The following PRORP variants were observed in gnomAD, a reference collection of about 807,000 sequenced individuals.
The protein encoded by PRORP is mitochondrial ribonuclease P catalytic subunit.
A neutral mutation model predicts 59.4 loss-of-function variants in PRORP; 51 were observed. The ratio of observed to expected loss-of-function variants is 0.86; its 90% CI spans 0.69 to 1.08. The LOEUF (loss-of-function observed/expected upper bound fraction) is 1.08, where lower values mean the gene tolerates loss of function less well. Among genes scored for constraint, PRORP ranks in the 50% least tolerant of loss-of-function variants. The pLI, the probability that PRORP is intolerant of heterozygous loss-of-function variation, is 0.00. For missense variants in PRORP, 646 were observed against 690.3 expected (o/e 0.94, Z 0.72); for synonymous variants, 231 against 245.6 (o/e 0.94, Z 0.55).
intron 5 of PRORP, among the ~76,000 whole-genome samples, chr14:35,252,472 G>A (rs553854540): frequency 5.9e-5 from 9 of 152,116 alleles, no homozygotes; most frequent in Non-Finnish European, 7.4e-5. Flanking sequence ...AAAGAAGGCA[G>A]TCATTATCCT....
chr14:35,184,360 C>A (rs1232660814), intron 5 of PRORP, among the ~76,000 whole-genome samples: 1 of 152,022 alleles, frequency 6.6e-6, no homozygotes, highest in Non-Finnish European at 1.5e-5. Flanking sequence ...TGTTATAATT[C>A]ATGTCAGTAG....
rs1229787151 is a variant in PRORP, at chr14:35,276,996, C to T, written c.*3430C>T. 6.6e-6 allele frequency: 1 copy of T among 151,974 alleles called. No individual in the cohort carries two copies. Among genetic ancestry groups the T allele is most frequent in the Non-Finnish European group, 1.5e-5 (1 of 67,988 alleles). 9.4% of individuals were successfully genotyped at this position (151,974 alleles called of 1,614,324 possible). A position where few individuals can be genotyped will look rare whatever the true frequency, so the allele number is the denominator to read the frequency against. On this transcript the variant is annotated 3_prime_UTR_variant, in exon 8 of 8. Coordinates refer to ENST00000534898, the MANE Select transcript of PRORP (RefSeq NM_014672.4). The stretch of plus-strand genomic sequence containing the variant: ...TGCACTTAAATATAATTACTGCTTC[C>T]TTGGTCCTCTAGCAGATTTCTCACT...
At chr14:35,163,383 C>T (rs2048109431) in intron 4 of PRORP, among the ~76,000 whole-genome samples, 1 of 152,012 alleles carries the variant, frequency 6.6e-6, no homozygotes, top group Non-Finnish European at 1.5e-5. Context: ...TTAAATTGAT[C>T]TCATGACCTA....
chr14:35,173,516 T>A (rs373415701), intron 4 of PRORP, among the ~76,000 whole-genome samples: 1 of 152,154 alleles, frequency 6.6e-6, no homozygotes, highest in East Asian at 1.9e-4. Flanking sequence ...AGGAGATTTA[T>A]GTGCAAATTT....
intron 4 of PRORP, among the ~76,000 whole-genome samples, chr14:35,178,419 G>A (rs1468065242): frequency 6.6e-6 from 1 of 152,084 alleles, no homozygotes; most frequent in Non-Finnish European, 1.5e-5. Flanking sequence ...TATGAATCTG[G>A]GTGCTCCTGT....
intron 5 of PRORP, among the ~76,000 whole-genome samples, chr14:35,206,782 T>A (rs1400892292): frequency 6.6e-6 from 1 of 152,324 alleles, no homozygotes; most frequent in East Asian, 1.9e-4. Flanking sequence ...AGATTTTATG[T>A]TCCTGAGACC....
chr14:35,243,518 A>G (rs1189079513), intron 5 of PRORP, among the ~76,000 whole-genome samples: 1 of 150,716 alleles, frequency 6.6e-6, no homozygotes, highest in Non-Finnish European at 1.5e-5. Flanking sequence ...TCTGGGTGAC[A>G]GAGTGAGACC....
At chr14:35,262,379 T>A in intron 5 of PRORP, 10 of 326,514 alleles carry the variant, frequency 3.1e-5, no homozygotes, top group Admixed American at 8.6e-5. Flanking sequence ...CTTTTATTAC[T>A]AGCCCAACTT....
chr14:35,199,027 G>A (rs1462194735), intron 5 of PRORP, among the ~76,000 whole-genome samples: 1 of 152,172 alleles, frequency 6.6e-6, no homozygotes, highest in Non-Finnish European at 1.5e-5. Flanking sequence ...AATTAGCTAG[G>A]CCTGGTGGCG....
chr14:35,276,090 T>C lies in PRORP; in HGVS notation c.*2524T>C, dbSNP rs1248305058. Reference sequence around the variant, plus strand: ...TTGGGAGGCCAAATGGGAGAATTGCTTGAAGCCAGGAGTTGGAGACCAGCC... The same window carrying C: ...TTGGGAGGCCAAATGGGAGAATTGCCTGAAGCCAGGAGTTGGAGACCAGCC... On this transcript the variant is annotated 3_prime_UTR_variant, in exon 8 of 8. Coordinates refer to ENST00000534898, the MANE Select transcript of PRORP (RefSeq NM_014672.4). 3 of 152,408 alleles carry C rather than the reference T, an allele frequency of 2.0e-5. No homozygotes were observed. The highest frequency in any genetic ancestry group is 7.2e-5 in the African/African-American group (3 of 41,466). The allele number at this position is 152,408 out of a possible 1,614,324, so 9.4% of individuals were successfully genotyped here. A position where few individuals can be genotyped will look rare whatever the true frequency, so the allele number is the denominator to read the frequency against.
intron 5 of PRORP, among the ~76,000 whole-genome samples, chr14:35,185,328 T>C (rs2048717210): frequency 6.6e-6 from 1 of 152,174 alleles, no homozygotes; most frequent in Non-Finnish European, 1.5e-5. Flanking sequence ...TCTTCTTTTG[T>C]GAAGTTTTTG....
At chr14:35,181,774 A>G (rs7142615) in intron 5 of PRORP, among the ~76,000 whole-genome samples, 26,295 of 134,572 alleles carry the variant, frequency 0.2, 2,955 homozygotes, top group Non-Finnish European at 0.27. Flanking sequence ...AACAAGAGCA[A>G]AACTGTCTCA....
intron 5 of PRORP, among the ~76,000 whole-genome samples, chr14:35,231,575 C>T (rs1414332033): frequency 6.6e-6 from 1 of 152,162 alleles, no homozygotes; most frequent in African/African-American, 2.4e-5. Flanking sequence ...GTTAGTAAGT[C>T]CATTTGCATT....
At chr14:35,143,820 G>GT (rs1464252701) in intron 4 of PRORP, among the ~76,000 whole-genome samples, 1 of 144,804 alleles carries the variant, frequency 6.9e-6, no homozygotes, top group African/African-American at 2.4e-5. Flanking sequence ...GGCTAATTTT[G>GT]TATTTTTAGT....
At chr14:35,252,179 C>T (rs1172387878) in intron 5 of PRORP, among the ~76,000 whole-genome samples, 1 of 152,126 alleles carries the variant, frequency 6.6e-6, no homozygotes. Flanking sequence ...AATCCCAACA[C>T]TTTGGGAGGC....
intron 5 of PRORP, among the ~76,000 whole-genome samples, chr14:35,258,494 A>T (rs1443308091): frequency 6.6e-6 from 1 of 152,134 alleles, no homozygotes; most frequent in African/African-American, 2.4e-5. Context: ...AGAAACCCCA[A>T]ATCAGAAGAG....
chr14:35,182,107 T>C (rs749804599), intron 5 of PRORP, among the ~76,000 whole-genome samples: 85 of 148,062 alleles, frequency 5.7e-4, no homozygotes, highest in Non-Finnish European at 9.4e-4. Flanking sequence ...CTACTAAAAA[T>C]ACAAAAAAAT....
chr14:35,126,667 C>T, intron 2 of PRORP, 68 bp from the exon 3 acceptor site: 1 of 1,206,048 alleles, frequency 8.3e-7, no homozygotes, highest in Non-Finnish European at 1.2e-6. Flanking sequence ...TTTCCAAATA[C>T]CATGAATATC....
intron 5 of PRORP, among the ~76,000 whole-genome samples, chr14:35,233,640 C>G (rs1393131391): frequency 7.3e-6 from 1 of 137,150 alleles, no homozygotes; most frequent in Non-Finnish European, 1.6e-5. Context: ...TTGCTTCTTT[C>G]TTTACCTTCT....
Sources: allele counts gnomAD v4.1 joint callset (sites outside exome capture counted in the v4.1 genomes callset), GRCh38; gene constraint gnomAD v4.1.1; transcripts MANE v1.5; gene names NCBI Gene and HGNC (gene_info 2026-07-23, HGNC 2026-07-21).